FREM2: variants seen among roughly 807,000 people sequenced by gnomAD.
FREM2 encodes FRAS1-related extracellular matrix protein 2.
A neutral mutation model predicts 219.9 loss-of-function variants in FREM2; 119 were observed. The observed-to-expected ratio is 0.54, with a 90% CI of 0.47 to 0.63. The LOEUF (loss-of-function observed/expected upper bound fraction) is 0.63. FREM2 is among the 30% of genes least tolerant of loss of function. FREM2 has a pLI of 0.00. For synonymous variants in FREM2, 1,562 were observed against 1,522.8 expected, an observed-to-expected ratio of 1.03 and a Z score of -0.60; for missense variants, 4,030 against 3,993.6, an observed-to-expected ratio of 1.01 and a Z score of -0.25.
intron 14 of FREM2, among the ~76,000 whole-genome samples, chr13:38,860,777 A>G (rs1032109993): frequency 1.3e-5 from 2 of 152,218 alleles, no homozygotes; most frequent in African/African-American, 4.8e-5. Context: ...ATACTGGAGA[A>G]AGAGTTTCAT....
intron 18 of FREM2, among the ~76,000 whole-genome samples, chr13:38,875,173 G>GT (rs397957175): frequency 4.7e-5 from 7 of 149,558 alleles, no homozygotes; most frequent in African/African-American, 1.7e-4. Flanking sequence ...TTTTAACAAG[G>GT]ACATTTCACT....
Position 38,689,721 on chromosome 13 carries a change from C to T in FREM2, c.2377C>T (p.Leu793=), listed in dbSNP as rs1781499428. 2 of 1,613,506 alleles carry T rather than the reference C, an allele frequency of 1.2e-6. No individual in the cohort carries two copies. The highest frequency in any genetic ancestry group is 3.3e-5 in the Admixed American group (2 of 59,964). Residue 793 remains leucine, a synonymous_variant, in exon 1 of 24, where the codon CTG becomes TTG. Coordinates refer to ENST00000280481, the MANE Select transcript of FREM2 (RefSeq NM_207361.6). ...TGCTTACAGACCCCCGGGTCAAGAA[C>T]TGGGCGTGGCTACTCGAGTGGCCCA... ...KIAYRPPGQE[L]GVATRVAQFQ...
At chr13:38,846,931 G>A (rs1400251863) in intron 7 of FREM2, among the ~76,000 whole-genome samples, 3 of 152,138 alleles carry the variant, frequency 2.0e-5, no homozygotes, top group African/African-American at 7.2e-5. Context: ...CAGAAACTAG[G>A]TTACAAACGT....
intron 6 of FREM2, among the ~76,000 whole-genome samples, chr13:38,834,672 G>A (rs901201554): frequency 2.6e-4 from 39 of 152,198 alleles, no homozygotes; most frequent in African/African-American, 9.4e-4. Flanking sequence ...GTTCATTGTG[G>A]TTCTGATTTG....
At chr13:38,785,346 T>C (rs1487463931) in intron 6 of FREM2, among the ~76,000 whole-genome samples, 4 of 152,142 alleles carry the variant, frequency 2.6e-5, no homozygotes, top group Non-Finnish European at 5.9e-5. Flanking sequence ...TGCCATGAAG[T>C]AGAAATAGAG....
chr13:38,769,514 A>C, intron 3 of FREM2, 64 bp from the exon 4 acceptor site: 2 of 1,418,188 alleles, frequency 1.4e-6, no homozygotes, highest in Non-Finnish European at 2.0e-6. Flanking sequence ...AAAAGTTAAC[A>C]AGGAAAATCT....
chr13:38,798,097 G>C (rs866335949), intron 6 of FREM2, among the ~76,000 whole-genome samples: 1 of 152,114 alleles, frequency 6.6e-6, no homozygotes, highest in East Asian at 1.9e-4. Flanking sequence ...TGAACATGAC[G>C]TTAGCTGTGG....
At chr13:38,733,998 A>G (rs1871875972) in intron 2 of FREM2, among the ~76,000 whole-genome samples, 2 of 152,220 alleles carry the variant, frequency 1.3e-5, no homozygotes, top group African/African-American at 4.8e-5. Context: ...ACAAATATTT[A>G]GAAAGCCCAA....
intron 2 of FREM2, among the ~76,000 whole-genome samples, chr13:38,727,202 T>C (rs3125305): frequency 0.78 from 118,725 of 152,174 alleles, 46,449 homozygotes; most frequent in African/African-American, 0.8. Context: ...ATAAATTTTA[T>C]TATTTCATCA....
At chr13:38,843,661 A>T (rs993847154) in intron 6 of FREM2, among the ~76,000 whole-genome samples, 2 of 152,266 alleles carry the variant, frequency 1.3e-5, no homozygotes, top group African/African-American at 4.8e-5. Context: ...CTATAACTCA[A>T]CTTACTGCTT....
At chr13:38,873,673 C>T (rs945377931) in intron 17 of FREM2, among the ~76,000 whole-genome samples, 4 of 152,164 alleles carry the variant, frequency 2.6e-5, no homozygotes, top group African/African-American at 9.7e-5. Flanking sequence ...ACATGTATTA[C>T]TGTTCCGATT....
chr13:38,739,749 G>A (rs1466986580), intron 2 of FREM2, among the ~76,000 whole-genome samples: 2 of 152,124 alleles, frequency 1.3e-5, no homozygotes, highest in Non-Finnish European at 1.5e-5. Flanking sequence ...GATTCTACAC[G>A]GTGGTTCTAA....
chr13:38,732,225 ATAT>A (rs2137768692), intron 2 of FREM2, among the ~76,000 whole-genome samples: 1 of 152,308 alleles, frequency 6.6e-6, no homozygotes, highest in African/African-American at 2.4e-5. Flanking sequence ...GAAATCTTAA[ATAT>A]TATTCACTCC....
chr13:38,875,317 A>G lies in FREM2; in HGVS notation c.8282-705A>G, dbSNP rs1472222605. Among the ~76,000 whole-genome samples, 2 of 152,122 alleles carry G rather than the reference A, an allele frequency of 1.3e-5. 1 individual carries two copies. Among genetic ancestry groups the G allele is most frequent in the Admixed American group, 1.3e-4 (2 of 15,282 alleles). ...GGAAAATAGTTCACTCAACATCTTT[A>G]TAGCTTTTCTTTTTCTGGACTTGAA... On this transcript the variant is annotated intron_variant, in intron 18 of 23. Coordinates refer to ENST00000280481, the MANE Select transcript of FREM2 (RefSeq NM_207361.6).
chr13:38,703,862 T>A (rs559569733), intron 2 of FREM2, among the ~76,000 whole-genome samples: 1 of 152,290 alleles, frequency 6.6e-6, no homozygotes, highest in Admixed American at 6.5e-5. Flanking sequence ...CATGATTTCA[T>A]ATTACTCAGA....
rs751450436 is a variant in FREM2, at chr13:38,689,426, T to A, written c.2082T>A (p.His694Gln). ...SGLQRFVIRI[H>Q]PVDRLPPELG... is the part of the protein sequence containing the mutation. ...TACAGCGGTTTGTGATTCGTATCCA[T>A]CCTGTGGATCGCCTCCCTCCGGAGC... The change falls in exon 1 of 24, where the codon CAT becomes CAA. Residue 694 changes from histidine to glutamine, a missense_variant. Around this residue, in one of 2 missense-constraint regions of FREM2, gnomAD observed 3,102 missense variants for 2,950.7 expected, o/e 1.05. Coordinates refer to ENST00000280481, the MANE Select transcript of FREM2 (RefSeq NM_207361.6). The A allele has an allele frequency of 9.9e-6, 16 of 1,613,890 alleles. No individual in the cohort carries two copies. In the South Asian group the frequency reaches 1.8e-4, roughly 18 times the overall value.
chr13:38,689,853 T>C lies in FREM2; in HGVS notation c.2509T>C (p.Phe837Leu). 6.2e-7 allele frequency: 1 copy of C among 1,614,150 alleles called. No individual in the cohort carries two copies. Among genetic ancestry groups the C allele is most frequent in the Non-Finnish European group, 8.5e-7 (1 of 1,180,034 alleles). The change falls in exon 1 of 24, where the codon TTC becomes CTC. Residue 837 changes from phenylalanine (F) to leucine (L), a missense_variant. Around this residue, in one of 2 missense-constraint regions of FREM2, gnomAD observed 3,102 missense variants for 2,950.7 expected, o/e 1.05. Coordinates refer to ENST00000280481, the MANE Select transcript of FREM2 (RefSeq NM_207361.6). ...GCCACCTGAGATCCTCAACACCGGCTTCACTATTCAGGAGAAGGGTCACCA... is the reference window on the plus strand; with the variant it reads ...GCCACCTGAGATCCTCAACACCGGCCTCACTATTCAGGAGAAGGGTCACCA... ...NQPPEILNTG[F>L]TIQEKGHHIL... is the part of the protein sequence containing the mutation.
Position 38,831,399 on chromosome 13 carries a change from TATC to T in FREM2, c.6020-15171_6020-15169del, listed in dbSNP as rs890705089. Among the ~76,000 whole-genome samples, 12 of 152,266 alleles carry T rather than the reference TATC, an allele frequency of 7.9e-5. No individual in the cohort carries two copies. In the South Asian group the frequency reaches 1.2e-3, roughly 16 times the overall value. On this transcript the variant is annotated intron_variant, in intron 6 of 23. Coordinates refer to ENST00000280481, the MANE Select transcript of FREM2 (RefSeq NM_207361.6). ...ACTACATTGATGATAGAATCTCTGATATCATTATCTTTTTGAAGAAAGACTCAC... is the reference window on the plus strand; with the variant it reads ...ACTACATTGATGATAGAATCTCTGATATTATCTTTTTGAAGAAAGACTCAC...
intron 2 of FREM2, among the ~76,000 whole-genome samples, chr13:38,739,452 A>T (rs1872145175): frequency 6.6e-6 from 1 of 152,170 alleles, no homozygotes; most frequent in South Asian, 2.1e-4. Flanking sequence ...ACAGTTCAGC[A>T]TAGCATTCTC....
Sources: gnomAD v4.1 joint callset for allele counts (sites outside exome capture counted in the v4.1 genomes callset) on GRCh38, gnomAD v4.1.1 for gene constraint, gnomAD v4.1.1 regional missense constraint, MANE v1.5 for transcripts, NCBI Gene and HGNC (gene_info 2026-07-23, HGNC 2026-07-21) for gene names.